Variants in RBBP6 observed in about 807,000 individuals in gnomAD.
RBBP6 encodes the protein RB binding protein 6, ubiquitin ligase, also known as E3 ubiquitin-protein ligase RBBP6.
RBBP6 carries 25 observed loss-of-function variants against 167.7 expected under a neutral mutation model. That is an observed-to-expected ratio of 0.15 (90% CI 0.11 to 0.21). The LOEUF (loss-of-function observed/expected upper bound fraction) is 0.21. RBBP6 is among the 10% of genes least tolerant of loss of function. The pLI, the probability that RBBP6 is intolerant of heterozygous loss-of-function variation, is 1.00. For synonymous variants in RBBP6, 789 were observed against 735.8 expected (o/e 1.07, Z -1.17); for missense variants, 1,868 against 2,134.2 (o/e 0.88, Z 2.46).
intron 3 of RBBP6, among the ~76,000 whole-genome samples, chr16:24,549,791 CTT>C (rs1411054485): frequency 1.3e-5 from 2 of 151,986 alleles, no homozygotes; most frequent in Non-Finnish European, 2.9e-5. Context: ...ATATTTCCCT[CTT>C]ATACTAAAAT....
At chr16:24,564,387 T>A (rs983014466) in intron 13 of RBBP6, among the ~76,000 whole-genome samples, 11 of 152,186 alleles carry the variant, frequency 7.2e-5, no homozygotes, top group Non-Finnish European at 1.5e-4. Context: ...AGTGGTCTTG[T>A]GGTTTTACTC....
chr16:24,566,648 G>C (rs1899200618), intron 14 of RBBP6, among the ~76,000 whole-genome samples: 1 of 152,176 alleles, frequency 6.6e-6, no homozygotes, highest in African/African-American at 2.4e-5. Context: ...AGCTGAGGCA[G>C]GAGAATTCGC....
intron 2 of RBBP6, 65 bp from the exon 3 acceptor site, chr16:24,548,880 A>C (rs1361384899): frequency 1.2e-5 from 17 of 1,385,556 alleles, no homozygotes. Flanking sequence ...TAATGTGTTA[A>C]AATTTATTAG....
chr16:24,559,880 A>G (rs1192259411), intron 8 of RBBP6: 17 of 365,822 alleles, frequency 4.6e-5, no homozygotes, highest in Non-Finnish European at 7.1e-5. Context: ...TTTAAATTCT[A>G]GAATTGACTT....
chr16:24,546,048 T>C (rs1898643163), intron 1 of RBBP6, 115 bp from the exon 2 acceptor site: 1 of 1,407,512 alleles, frequency 7.1e-7, no homozygotes, highest in Admixed American at 3.3e-5. Flanking sequence ...GCAAGGAACT[T>C]GTAGTTATTA....
chr16:24,542,591 T>C (rs1184945794), intron 1 of RBBP6, among the ~76,000 whole-genome samples: 1 of 152,156 alleles, frequency 6.6e-6, no homozygotes, highest in Non-Finnish European at 1.5e-5. Flanking sequence ...CCCAAGTAGC[T>C]GGGACTACAG....
chr16:24,550,448 T>A (rs1302197836), intron 3 of RBBP6, among the ~76,000 whole-genome samples: 2 of 151,590 alleles, frequency 1.3e-5, no homozygotes, highest in Non-Finnish European at 3.0e-5. Flanking sequence ...AAACTGATTT[T>A]TATGTATCCA....
At chr16:24,559,848 T>A (rs1235691070) in intron 8 of RBBP6, 171 bp downstream of exon 8, 1 of 489,100 alleles carries the variant, frequency 2.0e-6, no homozygotes, top group Non-Finnish European at 3.3e-6. Flanking sequence ...GTATCTTTTT[T>A]AAACAATAAC....
In RBBP6 at chr16:24,567,254, T is replaced by C; in HGVS notation, c.1701T>C (p.Pro567=). ...TTCCACCACCTCCTTTGTATCCGCC[T>C]CCTCCCCATACACTTCCTCTCCCTC... ...VPVPPPPLYP[P]PPHTLPLPPG... The change falls in exon 15 of 18, where the codon CCT becomes CCC. Residue 567 remains proline, a synonymous_variant. Coordinates refer to ENST00000319715, the MANE Select transcript of RBBP6 (RefSeq NM_006910.5). The C allele has an allele frequency of 1.2e-6, 2 of 1,614,102 alleles. No individual in the cohort carries two copies. The highest frequency in any genetic ancestry group is 1.7e-6 in the Non-Finnish European group (2 of 1,179,986).
chr16:24,562,685 TA>T (rs373263162), intron 10 of RBBP6, among the ~76,000 whole-genome samples: 3,357 of 135,760 alleles, frequency 0.025, 91 homozygotes, highest in African/African-American at 0.071. Context: ...ATAAATTCTT[TA>T]AAAAAAAAAA....
At chr16:24,560,758 T>TA (rs1899031520) in intron 8 of RBBP6, among the ~76,000 whole-genome samples, 1 of 152,214 alleles carries the variant, frequency 6.6e-6, no homozygotes, top group Non-Finnish European at 1.5e-5. Context: ...CAGCAGGTAT[T>TA]ACAAGCAATC....
At position 24,570,039 on chromosome 16, in the gene RBBP6, G is replaced by A. The variant is rs760714902; in HGVS notation, c.3349G>A (p.Asp1117Asn). Reference sequence around the variant, plus strand: ...AAAAGTGAAGAAGGACTATTCCAAAGATGTCAAATCAGAAAAGCTAACAAC... The same window carrying A: ...AAAAGTGAAGAAGGACTATTCCAAAAATGTCAAATCAGAAAAGCTAACAAC... ...EEKVKKDYSK[D>N]VKSEKLTTKE... The change falls in exon 17 of 18, where the codon GAT (aspartate) becomes AAT (asparagine). Residue 1117 changes from aspartate (D) to asparagine (N), a missense_variant. Coordinates refer to ENST00000319715, the MANE Select transcript of RBBP6 (RefSeq NM_006910.5). 6.2e-7 allele frequency: 1 copy of A among 1,607,224 alleles called. No individual in the cohort carries two copies. The highest frequency in any genetic ancestry group is 8.5e-7 in the Non-Finnish European group (1 of 1,178,570).
intron 7 of RBBP6, chr16:24,558,516 C>T: frequency 1.0e-6 from 1 of 980,108 alleles, no homozygotes; most frequent in Non-Finnish European, 1.2e-6. Context: ...GCAACTGCAA[C>T]ACAAATAACA....
rs1899057726 is a variant in RBBP6, at chr16:24,561,605, T to C, written c.848-7T>C. The C allele has an allele frequency of 3.7e-6, 6 of 1,604,348 alleles. No homozygotes were observed. Among genetic ancestry groups the C allele is most frequent in the Non-Finnish European group, 5.1e-6 (6 of 1,172,622 alleles). On this transcript the variant is annotated splice_region_variant and splice_polypyrimidine_tract_variant and intron_variant, in intron 8 of 17. Transcript: ENST00000319715. ...GCTTTTATTAATATTTGAAATCTTA[T>C]ACATAGGTATAAGAACAGCACTCCT...
At chr16:24,551,738 C>A (rs913279127) in intron 3 of RBBP6, among the ~76,000 whole-genome samples, 3 of 151,248 alleles carry the variant, frequency 2.0e-5, no homozygotes, top group African/African-American at 4.8e-5. Context: ...TAATTGTTTT[C>A]TTTCCAAGGA....
intron 14 of RBBP6, among the ~76,000 whole-genome samples, chr16:24,566,605 G>T (rs560957646): frequency 6.6e-6 from 1 of 152,124 alleles, no homozygotes; most frequent in Non-Finnish European, 1.5e-5. Context: ...GCTGGGCATG[G>T]TGGCACACGT....
chr16:24,543,428 A>C (rs1896871771), intron 1 of RBBP6, among the ~76,000 whole-genome samples: 5 of 151,566 alleles, frequency 3.3e-5, no homozygotes. Flanking sequence ...GACTACAGCC[A>C]CACACCACCA....
Position 24,564,789 on chromosome 16 carries a change from C to T in RBBP6, c.1521-8C>T. 1.9e-6 allele frequency: 3 copies of T among 1,610,270 alleles called. No individual in the cohort carries two copies. The highest frequency in any genetic ancestry group is 1.3e-5 in the African/African-American group (1 of 74,724). Reference sequence around the variant, plus strand: ...ATACTTGAGCCTATTTTTTTTTCTCCCACACAGTTCCAACAAACTTGGCTA... The same window carrying T: ...ATACTTGAGCCTATTTTTTTTTCTCTCACACAGTTCCAACAAACTTGGCTA... On this transcript the variant is annotated splice_polypyrimidine_tract_variant and splice_region_variant and intron_variant, in intron 13 of 17. Coordinates refer to ENST00000319715, the MANE Select transcript of RBBP6 (RefSeq NM_006910.5).
Position 24,553,019 on chromosome 16 carries a change from CA to C in RBBP6, c.304-493del, listed in dbSNP as rs1252084966. The C allele has an allele frequency of 4.6e-5, 7 of 152,054 alleles. No individual in the cohort carries two copies. In the East Asian group the frequency reaches 1.3e-3, roughly 29 times the overall value. The allele number at this position is 152,054 out of a possible 1,614,324, so 9.4% of individuals were successfully genotyped here. A position where few individuals can be genotyped will look rare whatever the true frequency, so the allele number is the denominator to read the frequency against. On this transcript the variant is annotated intron_variant, in intron 3 of 17. Coordinates refer to ENST00000319715, the MANE Select transcript of RBBP6 (RefSeq NM_006910.5). The stretch of plus-strand genomic sequence containing the variant: ...GTATGAGAGAATAAACAAACTTACT[CA>C]GACTGAAGAGTATGTTTTCAAAAAT...
Sources: gnomAD v4.1 joint callset for allele counts (sites outside exome capture counted in the v4.1 genomes callset) on GRCh38, gnomAD v4.1.1 for gene constraint, MANE v1.5 for transcripts, NCBI Gene and HGNC (gene_info 2026-07-23, HGNC 2026-07-21) for gene names.